SLAIN1: variants seen among roughly 807,000 people sequenced by gnomAD.
SLAIN1 encodes SLAIN motif-containing protein 1.
In SLAIN1, 17 loss-of-function variants were observed where a neutral mutation model predicts 55.4. The ratio of observed to expected loss-of-function variants is 0.31; its 90% confidence interval spans 0.21 to 0.46. The LOEUF (loss-of-function observed/expected upper bound fraction) is 0.46, where lower values mean the gene tolerates loss of function less well. Ranked by LOEUF, SLAIN1 falls within the 20% of genes least tolerant of loss-of-function variation. SLAIN1 has a pLI of 1.00. For missense variants in SLAIN1, 682 were observed against 785.1 expected (o/e 0.87, Z 1.57); for synonymous variants, 348 against 337.4 (o/e 1.03, Z -0.35).
At chr13:77,755,083 T>C (rs905044549) in intron 5 of SLAIN1, among the ~76,000 whole-genome samples, 1 of 152,136 alleles carries the variant, frequency 6.6e-6, no homozygotes, top group Admixed American at 6.6e-5. Context: ...GATAGAAATA[T>C]ACAATTCTAT....
At chr13:77,723,035 A>T (rs1490136163) in intron 2 of SLAIN1, among the ~76,000 whole-genome samples, 1 of 152,202 alleles carries the variant, frequency 6.6e-6, no homozygotes, top group African/African-American at 2.4e-5. Context: ...GGCGTGAGCC[A>T]CTGTGCCCAG....
At chr13:77,726,960 G>A (rs889916156) in intron 2 of SLAIN1, among the ~76,000 whole-genome samples, 2 of 152,154 alleles carry the variant, frequency 1.3e-5, no homozygotes, top group African/African-American at 2.4e-5. Flanking sequence ...CCTTATATGT[G>A]AATAGTGTAA....
At chr13:77,736,863 T>C (rs1195092039) in intron 2 of SLAIN1, among the ~76,000 whole-genome samples, 1 of 152,026 alleles carries the variant, frequency 6.6e-6, no homozygotes, top group Non-Finnish European at 1.5e-5. Context: ...ATTATCTTTC[T>C]CAGTTTCCTT....
intron 2 of SLAIN1, among the ~76,000 whole-genome samples, chr13:77,720,392 C>T (rs76474966): frequency 0.014 from 2,117 of 152,150 alleles, 21 homozygotes; most frequent in Non-Finnish European, 0.023. Context: ...GTACAGATTC[C>T]GGAGCCTCCA....
chr13:77,754,745 C>T (rs930157792), intron 5 of SLAIN1, among the ~76,000 whole-genome samples: 3 of 152,138 alleles, frequency 2.0e-5, no homozygotes, highest in African/African-American at 7.2e-5. Context: ...CTCTGTTATT[C>T]AATGTACCAT....
chr13:77,744,469 C>T (rs1171136775), intron 3 of SLAIN1, 37 bp downstream of exon 3: 2 of 1,604,244 alleles, frequency 1.2e-6, no homozygotes, highest in East Asian at 2.2e-5. Flanking sequence ...ATGAGGCTTC[C>T]ACTTGGAATA....
intron 2 of SLAIN1, among the ~76,000 whole-genome samples, chr13:77,719,935 TC>T (rs2091245644): frequency 6.6e-6 from 1 of 152,100 alleles, no homozygotes; most frequent in South Asian, 2.1e-4. Flanking sequence ...CTTTTTTTTT[TC>T]TGTTTGCAAA....
chr13:77,759,736 C>T (rs1874868247), intron 5 of SLAIN1, among the ~76,000 whole-genome samples: 1 of 151,998 alleles, frequency 6.6e-6, no homozygotes, highest in South Asian at 2.1e-4. Flanking sequence ...ATGTGATGTA[C>T]CACATTTACT....
At chr13:77,727,559 G>A (rs1023079948) in intron 2 of SLAIN1, among the ~76,000 whole-genome samples, 1 of 151,634 alleles carries the variant, frequency 6.6e-6, no homozygotes, top group Non-Finnish European at 1.5e-5. Flanking sequence ...GTTCATTAAA[G>A]TGTTAGTTCT....
intron 4 of SLAIN1, among the ~76,000 whole-genome samples, chr13:77,750,378 C>T (rs1407495680): frequency 6.6e-6 from 1 of 152,056 alleles, no homozygotes; most frequent in Admixed American, 6.6e-5. Flanking sequence ...TCCTGTGCCT[C>T]CCTGCTGCTT....
intron 2 of SLAIN1, among the ~76,000 whole-genome samples, chr13:77,730,975 C>T (rs1319324152): frequency 6.6e-6 from 1 of 151,926 alleles, no homozygotes; most frequent in Non-Finnish European, 1.5e-5. Context: ...GAAAGTTGGC[C>T]AAAGGAATCT....
intron 2 of SLAIN1, among the ~76,000 whole-genome samples, chr13:77,734,524 A>T (rs1873018753): frequency 6.6e-6 from 1 of 152,200 alleles, no homozygotes; most frequent in Non-Finnish European, 1.5e-5. Context: ...TTTGAAGGTC[A>T]GACAGTTCAG....
At chr13:77,746,984 T>C (rs554726220) in intron 4 of SLAIN1, 129 bp downstream of exon 4, 3 of 790,520 alleles carry the variant, frequency 3.8e-6, no homozygotes, top group African/African-American at 3.5e-5. Context: ...TGGAGTGCAG[T>C]GGCACGATCT....
chr13:77,703,661 T>A (rs1396846768), intron 1 of SLAIN1, among the ~76,000 whole-genome samples: 1 of 151,976 alleles, frequency 6.6e-6, no homozygotes, highest in African/African-American at 2.4e-5. Context: ...TGTATCCTTT[T>A]AAGAGCCTGT....
In SLAIN1 at chr13:77,743,327, A is replaced by G. The variant is rs183879124; in HGVS notation, c.767-956A>G. ...TACAAAAGGCCTAGCACTAATTTGT[A>G]CTCTAACACCATTGATCTACTGCTC... On this transcript the variant is annotated intron_variant, in intron 2 of 6. Coordinates refer to ENST00000418532, the MANE Select transcript of SLAIN1 (RefSeq NM_001242868.2). 1.9e-4 allele frequency: 74 copies of G among 381,988 alleles called. 1 individual carries two copies. The East Asian group carries it at 6.5e-3, about 33-fold the overall frequency. 23.7% of individuals were successfully genotyped at this position (381,988 alleles called of 1,614,324 possible).
chr13:77,715,695 T>C (rs1358008666), intron 1 of SLAIN1, among the ~76,000 whole-genome samples: 1 of 152,182 alleles, frequency 6.6e-6, no homozygotes, highest in Admixed American at 6.6e-5. Flanking sequence ...ATGATGAACA[T>C]CTTTTCATAT....
chr13:77,733,807 C>T (rs1872986976), intron 2 of SLAIN1, among the ~76,000 whole-genome samples: 2 of 152,078 alleles, frequency 1.3e-5, no homozygotes, highest in Non-Finnish European at 1.5e-5. Context: ...TTTATCAGGT[C>T]GTCAAGCACT....
intron 1 of SLAIN1, among the ~76,000 whole-genome samples, chr13:77,709,796 A>C (rs550192841): frequency 1.3e-5 from 2 of 152,202 alleles, no homozygotes; most frequent in African/African-American, 4.8e-5. Context: ...TTTGAGACAG[A>C]GTCTCACTCT....
chr13:77,761,346 CTTTGCT>C (rs1875006118), intron 6 of SLAIN1, among the ~76,000 whole-genome samples: 1 of 152,164 alleles, frequency 6.6e-6, no homozygotes, highest in Non-Finnish European at 1.5e-5. Context: ...CTAAGACGCT[CTTTGCT>C]TTTGCTTTTA....
Sources: allele counts gnomAD v4.1 joint callset (sites outside exome capture counted in the v4.1 genomes callset), GRCh38; gene constraint gnomAD v4.1.1; transcripts MANE v1.5; gene names NCBI Gene and HGNC (gene_info 2026-07-23, HGNC 2026-07-21).